Variants in CSGALNACT1 observed in about 807,000 individuals in gnomAD.
CSGALNACT1 encodes beta4GalNAcT-1.
A neutral mutation model predicts 51.0 loss-of-function variants in CSGALNACT1; 52 were observed. The ratio of observed to expected loss-of-function variants is 1.02; its 90% CI spans 0.82 to 1.29. CSGALNACT1 has a LOEUF of 1.29. Ranked by LOEUF, CSGALNACT1 falls within the 50% of genes most tolerant of loss-of-function variation. CSGALNACT1 has a pLI of 0.00. For missense variants in CSGALNACT1, 935 were observed against 679.2 expected, an observed-to-expected ratio of 1.38 and a Z score of -4.19; for synonymous variants, 341 against 254.4, an observed-to-expected ratio of 1.34 and a Z score of -3.24.
intron 3 of CSGALNACT1, among the ~76,000 whole-genome samples, chr8:19,525,960 G>T (rs117996309): frequency 1.3e-5 from 2 of 152,110 alleles, no homozygotes; most frequent in Admixed American, 6.6e-5. Context: ...GGTCTAGTGC[G>T]CATTTACCAT....
At chr8:19,618,886 C>T in intron 1 of CSGALNACT1, among the ~76,000 whole-genome samples, 1 of 152,054 alleles carries the variant, frequency 6.6e-6, no homozygotes, top group Non-Finnish European at 1.5e-5. Context: ...TTCTTCCACA[C>T]TGAATTCTCT....
intron 5 of CSGALNACT1, among the ~76,000 whole-genome samples, chr8:19,453,258 G>C (rs2063515806): frequency 1.3e-5 from 2 of 152,068 alleles, no homozygotes; most frequent in South Asian, 4.1e-4. Context: ...AGTCCAAAGA[G>C]AAAACAATAA....
intron 4 of CSGALNACT1, among the ~76,000 whole-genome samples, chr8:19,499,879 C>T (rs1022052917): frequency 6.6e-6 from 1 of 152,138 alleles, no homozygotes; most frequent in Admixed American, 6.6e-5. Flanking sequence ...TGATGGAGTG[C>T]CTGGGTACTG....
Position 19,459,004 on chromosome 8 carries a change from A to T in CSGALNACT1, c.635-362T>A, listed in dbSNP as rs549203369. Among the ~76,000 whole-genome samples the T allele has an allele frequency of 1.0e-3, 153 of 152,324 alleles. 1 individual carries two copies. The South Asian group carries it at 0.031, about 30-fold the overall frequency. On this transcript the variant is annotated intron_variant, in intron 4 of 9. Transcript: ENST00000454498. ...ATGTGTTTTTTTCTTTTCTTCTAGT[A>T]TCCAAATTTCCTGCAATATGATTTG...
chr8:19,755,128 C>G (rs1216300531), intron 1 of CSGALNACT1, among the ~76,000 whole-genome samples: 1 of 152,064 alleles, frequency 6.6e-6, no homozygotes, highest in Non-Finnish European at 1.5e-5. Context: ...AGATGAGGAC[C>G]CTTGCAGACC....
At chr8:19,522,190 C>A (rs766673085) in intron 3 of CSGALNACT1, among the ~76,000 whole-genome samples, 1 of 152,086 alleles carries the variant, frequency 6.6e-6, no homozygotes, top group South Asian at 2.1e-4. Flanking sequence ...AGGTCAAAAC[C>A]GTATTAGTGA....
In CSGALNACT1 at chr8:19,744,558, C is replaced by T. The variant is rs137993366; in HGVS notation, c.-297+13292G>A. Among the ~76,000 whole-genome samples, 12 of 152,194 alleles carry T rather than the reference C, an allele frequency of 7.9e-5. No individual in the cohort carries two copies. In the East Asian group the frequency reaches 2.3e-3, roughly 29 times the overall value. Reference sequence around the variant, plus strand: ...GCCCCTATTAAATCCAGCCAGCCTGCCACAAGAGTATGAATATATAATTTA... The same window carrying T: ...GCCCCTATTAAATCCAGCCAGCCTGTCACAAGAGTATGAATATATAATTTA... On this transcript the variant is annotated intron_variant, in intron 1 of 1. Transcript: ENST00000517494.
At chr8:19,695,351 T>C (rs1477716017) in intron 1 of CSGALNACT1, among the ~76,000 whole-genome samples, 3 of 152,266 alleles carry the variant, frequency 2.0e-5, no homozygotes, top group East Asian at 1.9e-4. Flanking sequence ...ATAACTCAAA[T>C]AGCAAATTTT....
intron 4 of CSGALNACT1, among the ~76,000 whole-genome samples, chr8:19,474,650 A>G (rs890825318): frequency 1.3e-5 from 2 of 151,956 alleles, no homozygotes; most frequent in African/African-American, 2.4e-5. Flanking sequence ...GGGTGGATCA[A>G]TTGAGGTCGG....
chr8:19,527,291 G>T (rs185621775), intron 3 of CSGALNACT1, among the ~76,000 whole-genome samples: 18 of 152,224 alleles, frequency 1.2e-4, no homozygotes, highest in African/African-American at 4.3e-4. Context: ...TGGAGGAGAA[G>T]GTTAGCCAGG....
intron 1 of CSGALNACT1, among the ~76,000 whole-genome samples, chr8:19,716,965 C>A (rs934031571): frequency 1.3e-5 from 2 of 152,158 alleles, no homozygotes; most frequent in African/African-American, 4.8e-5. Context: ...AGCCACAGCT[C>A]CCCACTCAGT....
At chr8:19,708,403 T>C (rs890745719) in intron 1 of CSGALNACT1, among the ~76,000 whole-genome samples, 6 of 152,162 alleles carry the variant, frequency 3.9e-5, no homozygotes, top group Admixed American at 3.9e-4. Flanking sequence ...CCCCAGATTT[T>C]AGGATATTTT....
chr8:19,528,629 T>C (rs2082171727), intron 3 of CSGALNACT1, among the ~76,000 whole-genome samples: 1 of 152,152 alleles, frequency 6.6e-6, no homozygotes, highest in South Asian at 2.1e-4. Flanking sequence ...AAATCTCTCC[T>C]TCCTTAAACC....
At chr8:19,567,441 G>A (rs1472105546) in intron 3 of CSGALNACT1, among the ~76,000 whole-genome samples, 2 of 152,176 alleles carry the variant, frequency 1.3e-5, no homozygotes, top group Admixed American at 6.5e-5. Flanking sequence ...CAAAGTGTAT[G>A]ATAAAACTCA....
intron 1 of CSGALNACT1, among the ~76,000 whole-genome samples, chr8:19,706,518 C>T (rs2062175966): frequency 6.6e-6 from 1 of 152,192 alleles, no homozygotes; most frequent in African/African-American, 2.4e-5. Context: ...GTGCCTTTTC[C>T]TAGCCCCAAG....
chr8:19,584,651 G>A (rs1464636476), intron 3 of CSGALNACT1, among the ~76,000 whole-genome samples: 1 of 152,126 alleles, frequency 6.6e-6, no homozygotes, highest in East Asian at 1.9e-4. Context: ...AATACACTTA[G>A]CGAAGATGAA....
At chr8:19,459,483 G>A (rs977696969) in intron 4 of CSGALNACT1, among the ~76,000 whole-genome samples, 4 of 151,594 alleles carry the variant, frequency 2.6e-5, no homozygotes, top group Non-Finnish European at 5.9e-5. Flanking sequence ...GCTCAGTTCT[G>A]GTCACATGGG....
At chr8:19,730,079 C>G (rs939372125) in intron 1 of CSGALNACT1, among the ~76,000 whole-genome samples, 2 of 152,160 alleles carry the variant, frequency 1.3e-5, no homozygotes, top group African/African-American at 4.8e-5. Context: ...TTACTGATAG[C>G]GCCCATGCAA....
chr8:19,730,668 T>A (rs1323394588), intron 1 of CSGALNACT1, among the ~76,000 whole-genome samples: 1 of 152,200 alleles, frequency 6.6e-6, no homozygotes, highest in Middle Eastern at 3.2e-3. Context: ...CAGCCACCCC[T>A]CCCAGGTCCA....
Sources: allele counts gnomAD v4.1 joint callset (sites outside exome capture counted in the v4.1 genomes callset), GRCh38; gene constraint gnomAD v4.1.1; transcripts MANE v1.5; gene names NCBI Gene and HGNC (gene_info 2026-07-23, HGNC 2026-07-21).